PUM1: variants seen among roughly 807,000 people sequenced by gnomAD.
The protein encoded by PUM1 is pumilio RNA binding family member 1, also known as pumilio homolog 1.
In PUM1, 13 loss-of-function variants were observed where a neutral mutation model predicts 131.8. That is an observed-to-expected ratio of 0.10 (90% CI 0.06 to 0.16). The LOEUF (loss-of-function observed/expected upper bound fraction) is 0.16. Ranked by LOEUF, PUM1 falls within the 10% of genes least tolerant of loss-of-function variation. The probability of loss-of-function intolerance (pLI) is 1.00; values close to 1 mark genes in which losing one functional copy is unlikely to be tolerated. For missense variants in PUM1, 961 were observed against 1,512.4 expected, an observed-to-expected ratio of 0.64 and a Z score of 6.05; for synonymous variants, 509 against 556.5, an observed-to-expected ratio of 0.91 and a Z score of 1.20.
chr1:31,047,361 A>G (rs1404317576), intron 2 of PUM1, among the ~76,000 whole-genome samples: 1 of 152,168 alleles, frequency 6.6e-6, no homozygotes, highest in Non-Finnish European at 1.5e-5. Context: ...AGAAAAAAAA[A>G]AGATGATTTA....
chr1:30,936,914 C>G, intron 20 of PUM1, 79 bp from the exon 21 acceptor site: 1 of 1,268,390 alleles, frequency 7.9e-7, no homozygotes, highest in South Asian at 1.5e-5. Context: ...AGCTTCTGCC[C>G]TGACCTCCGG....
chr1:30,982,231 G>A (rs189110008), intron 7 of PUM1: 89 of 152,286 alleles, frequency 5.8e-4, no homozygotes, highest in African/African-American at 2.1e-3. Context: ...ACGATTCTAC[G>A]TTAATACAAA....
chr1:30,976,193 A>G (rs1392976948), intron 9 of PUM1, among the ~76,000 whole-genome samples: 1 of 152,250 alleles, frequency 6.6e-6, no homozygotes, highest in Non-Finnish European at 1.5e-5. Flanking sequence ...AGTACACAAC[A>G]GAGATATAAC....
At chr1:30,969,471 A>G (rs974271732) in intron 10 of PUM1, among the ~76,000 whole-genome samples, 5 of 152,120 alleles carry the variant, frequency 3.3e-5, no homozygotes, top group Non-Finnish European at 5.9e-5. Flanking sequence ...CCTCTTTAAC[A>G]CTAATATATT....
rs150103261 is a variant in PUM1 at position 31,039,322 on chromosome 1, G to A, written c.364-10458C>T. On this transcript the variant is annotated intron_variant, in intron 2 of 21. Transcript: ENST00000426105. ...CAAGCTCCCTCTGCCTCCCGGGTTC[G>A]TGCCATTCTCCTGCCTCAGCCTCCC... Among the ~76,000 whole-genome samples, 708 of 151,176 alleles carry A rather than the reference G, an allele frequency of 4.7e-3. 10 individuals carry two copies. The highest frequency in any genetic ancestry group is 0.045 in the East Asian group (229 of 5,058).
At chr1:30,980,889 A>G (rs1315377566) in intron 8 of PUM1, among the ~76,000 whole-genome samples, 1 of 152,188 alleles carries the variant, frequency 6.6e-6, no homozygotes, top group Non-Finnish European at 1.5e-5. Flanking sequence ...ATTATATGAG[A>G]ATACTTTTAA....
At chr1:31,063,051 G>A (rs1644403783) in intron 1 of PUM1, among the ~76,000 whole-genome samples, 1 of 152,002 alleles carries the variant, frequency 6.6e-6, no homozygotes, top group Admixed American at 6.6e-5. Flanking sequence ...TTTCACCATC[G>A]GTCTTTCAAA....
intron 1 of PUM1, among the ~76,000 whole-genome samples, chr1:31,063,970 C>T (rs1644423823): frequency 6.6e-6 from 1 of 152,134 alleles, no homozygotes; most frequent in African/African-American, 2.4e-5. Flanking sequence ...ATCAGAAAAG[C>T]TCACTAATAC....
intron 14 of PUM1, among the ~76,000 whole-genome samples, chr1:30,957,020 G>A (rs995062061): frequency 7.9e-5 from 12 of 151,278 alleles, no homozygotes; most frequent in African/African-American, 2.2e-4. Flanking sequence ...TACATTTACC[G>A]TGAAGTTTTG....
chr1:30,966,851 A>G (rs1640642857), intron 12 of PUM1, among the ~76,000 whole-genome samples: 1 of 151,034 alleles, frequency 6.6e-6, no homozygotes, highest in Non-Finnish European at 1.5e-5. Flanking sequence ...ATTATCTTAA[A>G]ATAATGACTT....
intron 2 of PUM1, among the ~76,000 whole-genome samples, chr1:31,042,297 C>T (rs1450704263): frequency 1.3e-5 from 2 of 148,954 alleles, no homozygotes; most frequent in Non-Finnish European, 3.0e-5. Context: ...CAGAGCGAGA[C>T]TCTGTATCAA....
rs1394934264 is a variant in PUM1 at position 30,953,926 on chromosome 1, G to T, written c.2379C>A (p.Ala793=). 6.2e-7 allele frequency: 1 copy of T among 1,614,212 alleles called. No homozygotes were observed. The highest frequency in any genetic ancestry group is 2.2e-5 in the East Asian group (1 of 44,884). Residue 793 remains alanine, a synonymous_variant, in exon 15 of 22, where the codon GCC becomes GCA. Transcript: ENST00000426105. Reference sequence around the variant, plus strand: ...AGGCGCTGCTTGCACTGCGGTACTTGGCTTCAGCGCCTGGAGCAGCAGAGA... The same window carrying T: ...AGGCGCTGCTTGCACTGCGGTACTTTGCTTCAGCGCCTGGAGCAGCAGAGA... ...RYISAAPGAE[A]KYRSASSASS...
At position 30,964,824 on chromosome 1, in the gene PUM1, T is replaced by A. The variant is rs762418737; in HGVS notation, c.2173A>T (p.Thr725Ser). The change falls in exon 14 of 22, where the codon ACC (threonine) becomes TCC (serine). Residue 725 changes from threonine (T) to serine (S), a missense_variant. Thr to Ser is a moderately conservative substitution (Grantham distance 58). This residue lies in a region of PUM1 where 654 missense variants were observed against 923.9 expected (regional missense o/e 0.71). Transcript: ENST00000426105. ...TTATAAAAACTGTGTCCAATGGGGGTCAAGCTGCTCGATGTCCTCTTATAA... is the reference window on the plus strand; with the variant it reads ...TTATAAAAACTGTGTCCAATGGGGGACAAGCTGCTCGATGTCCTCTTATAA... ...DLYKRTSSSL[T>S]PIGHSFYNGL... is the part of the protein sequence containing the mutation. 1 of 1,613,548 alleles carries A rather than the reference T, an allele frequency of 6.2e-7. No individual in the cohort carries two copies. Among genetic ancestry groups the A allele is most frequent in the Non-Finnish European group, 8.5e-7 (1 of 1,179,892 alleles).
chr1:30,934,180 G>A (rs369773004), intron 21 of PUM1, among the ~76,000 whole-genome samples: 1 of 152,214 alleles, frequency 6.6e-6, no homozygotes, highest in African/African-American at 2.4e-5. Context: ...CAGAAAACTT[G>A]AGAGGTGCTT....
chr1:31,048,196 G>A (rs1385567930), intron 2 of PUM1, among the ~76,000 whole-genome samples: 4 of 149,630 alleles, frequency 2.7e-5, no homozygotes, highest in Admixed American at 6.7e-5. Context: ...CTGATATCGC[G>A]CCACTGCACT....
intron 2 of PUM1, among the ~76,000 whole-genome samples, chr1:31,058,787 A>G (rs1015224921): frequency 1.3e-5 from 2 of 151,738 alleles, no homozygotes; most frequent in Admixed American, 1.3e-4. Context: ...CCTGGACAAC[A>G]TGGTGAAACC....
chr1:30,964,206 G>T (rs1012274253), intron 14 of PUM1, among the ~76,000 whole-genome samples: 1 of 152,018 alleles, frequency 6.6e-6, no homozygotes, highest in Non-Finnish European at 1.5e-5. Flanking sequence ...TTAAAATATG[G>T]CAAAATTTTA....
chr1:31,017,751 A>G, intron 3 of PUM1, among the ~76,000 whole-genome samples: 1 of 152,140 alleles, frequency 6.6e-6, no homozygotes, highest in Admixed American at 6.5e-5. Context: ...CAGGGTAGCA[A>G]TAAGAAGAGG....
chr1:30,955,559 C>T (rs2124420844), intron 14 of PUM1, among the ~76,000 whole-genome samples: 1 of 151,950 alleles, frequency 6.6e-6, no homozygotes, highest in African/African-American at 2.4e-5. Flanking sequence ...AAAAAGATGC[C>T]AAGCCTTTCT....
Sources: gnomAD v4.1 joint callset for allele counts (sites outside exome capture counted in the v4.1 genomes callset) on GRCh38, gnomAD v4.1.1 for gene constraint, gnomAD v4.1.1 regional missense constraint, MANE v1.5 for transcripts, NCBI Gene and HGNC (gene_info 2026-07-23, HGNC 2026-07-21) for gene names.